The following TMEM132C variants were observed in gnomAD, a reference collection of about 807,000 sequenced individuals.
The protein encoded by TMEM132C is transmembrane protein 132C.
TMEM132C carries 29 observed loss-of-function variants against 61.4 expected under a neutral mutation model. That is an observed-to-expected ratio of 0.47 (90% CI 0.35 to 0.64). The LOEUF is 0.64. Ranked by LOEUF, TMEM132C falls within the 30% of genes least tolerant of loss-of-function variation. The probability of loss-of-function intolerance (pLI) is 0.00; values close to 1 mark genes in which losing one functional copy is unlikely to be tolerated. For missense variants in TMEM132C, 1,408 were observed against 1,476.9 expected (o/e 0.95, Z 0.76); for synonymous variants, 656 against 633.1 (o/e 1.04, Z -0.54).
chr12:128,523,277 G>A (rs1173305672), intron 2 of TMEM132C, among the ~76,000 whole-genome samples: 1 of 152,144 alleles, frequency 6.6e-6, no homozygotes, highest in African/African-American at 2.4e-5. Context: ...GAATGGACTG[G>A]TAGTGTTTAA....
intron 3 of TMEM132C, among the ~76,000 whole-genome samples, chr12:128,610,927 C>G (rs1366666254): frequency 6.6e-6 from 1 of 152,104 alleles, no homozygotes; most frequent in Non-Finnish European, 1.5e-5. Context: ...GCTCCTGAAC[C>G]AGGCTTCAAA....
At chr12:128,701,242 A>G (rs887384937) in intron 8 of TMEM132C, among the ~76,000 whole-genome samples, 1 of 115,264 alleles carries the variant, frequency 8.7e-6, no homozygotes, top group African/African-American at 3.8e-5. Flanking sequence ...GGCAAAAAAT[A>G]AGTTAAAAAA....
At chr12:128,677,963 G>T (rs866977398) in intron 5 of TMEM132C, among the ~76,000 whole-genome samples, 13 of 152,330 alleles carry the variant, frequency 8.5e-5, no homozygotes, top group South Asian at 6.2e-4. Context: ...CCTGATAGTT[G>T]CCCTGAGCTT....
At chr12:128,692,304 A>G (rs971576379) in intron 5 of TMEM132C, among the ~76,000 whole-genome samples, 6 of 152,224 alleles carry the variant, frequency 3.9e-5, no homozygotes, top group Non-Finnish European at 5.9e-5. Flanking sequence ...TCATCCATGC[A>G]ATGTCCATTT....
chr12:128,561,567 A>T (rs1874520066), intron 3 of TMEM132C, among the ~76,000 whole-genome samples: 1 of 152,368 alleles, frequency 6.6e-6, no homozygotes, highest in African/African-American at 2.4e-5. Flanking sequence ...AGCAGTGGGC[A>T]TATTAGGGTT....
chr12:128,428,432 C>CT (rs1869270470), intron 2 of TMEM132C, among the ~76,000 whole-genome samples: 1 of 152,094 alleles, frequency 6.6e-6, no homozygotes, highest in East Asian at 1.9e-4. Flanking sequence ...AAGTAGGCCT[C>CT]TTTTTTATAA....
chr12:128,486,470 G>A (rs976405706), intron 2 of TMEM132C, among the ~76,000 whole-genome samples: 1 of 152,110 alleles, frequency 6.6e-6, no homozygotes, highest in Non-Finnish European at 1.5e-5. Flanking sequence ...AAGAGGCAAA[G>A]GACCATCCCA....
intron 1 of TMEM132C, among the ~76,000 whole-genome samples, chr12:128,391,757 A>G (rs1874770302): frequency 6.6e-6 from 1 of 152,232 alleles, no homozygotes; most frequent in Non-Finnish European, 1.5e-5. Context: ...TGGCAGAAAC[A>G]GGATTCACAA....
chr12:128,475,089 T>G (rs1871112226), intron 2 of TMEM132C, among the ~76,000 whole-genome samples: 3 of 152,112 alleles, frequency 2.0e-5, no homozygotes, highest in Admixed American at 2.0e-4. Flanking sequence ...AGAAGGGCTG[T>G]GGGTGGGGGC....
At chr12:128,410,844 T>C (rs1387314288) in intron 1 of TMEM132C, among the ~76,000 whole-genome samples, 1 of 152,226 alleles carries the variant, frequency 6.6e-6, no homozygotes, top group Non-Finnish European at 1.5e-5. Context: ...CTCAAAAATA[T>C]TCTTTATAGG....
At position 128,488,179 on chromosome 12, in the gene TMEM132C, C is replaced by T. The variant is rs868713912; in HGVS notation, c.975-55778C>T. 2.0e-5 allele frequency among the ~76,000 whole-genome samples: 3 copies of T among 152,206 alleles called. No individual in the cohort carries two copies. The South Asian group carries it at 6.2e-4, about 32-fold the overall frequency. Reference sequence around the variant, plus strand: ...TCAGATTTAAACTACTGGCTCCAGCCTACCACTGCATGGCATGTGGCTAGT... The same window carrying T: ...TCAGATTTAAACTACTGGCTCCAGCTTACCACTGCATGGCATGTGGCTAGT... On this transcript the variant is annotated intron_variant, in intron 2 of 8. Coordinates refer to ENST00000435159, the MANE Select transcript of TMEM132C (RefSeq NM_001136103.3).
intron 2 of TMEM132C, among the ~76,000 whole-genome samples, chr12:128,441,704 A>G (rs1869792513): frequency 6.6e-6 from 1 of 152,174 alleles, no homozygotes; most frequent in African/African-American, 2.4e-5. Context: ...TGAACAGCCT[A>G]TGTTCCTGCT....
At chr12:128,355,589 C>A (rs1873477355) in intron 1 of TMEM132C, among the ~76,000 whole-genome samples, 1 of 151,926 alleles carries the variant, frequency 6.6e-6, no homozygotes, top group Admixed American at 6.6e-5. Context: ...CCATCTTATT[C>A]AGATTAAAAG....
intron 8 of TMEM132C, 37 bp downstream of exon 8, chr12:128,697,452 G>A: frequency 1.3e-6 from 2 of 1,497,414 alleles, no homozygotes; most frequent in Non-Finnish European, 1.8e-6. Flanking sequence ...GAGGGAGCAG[G>A]GTCAGCCACT....
intron 3 of TMEM132C, among the ~76,000 whole-genome samples, chr12:128,567,623 C>G (rs912510276): frequency 1.3e-5 from 2 of 152,282 alleles, no homozygotes; most frequent in South Asian, 4.1e-4. Context: ...AAGAATATGT[C>G]ACTAGAAAGT....
At chr12:128,507,679 TTA>T (rs1172516038) in intron 2 of TMEM132C, among the ~76,000 whole-genome samples, 2 of 152,136 alleles carry the variant, frequency 1.3e-5, no homozygotes, top group African/African-American at 2.4e-5. Flanking sequence ...TTTAAACGTT[TTA>T]TATGTTTCGA....
intron 1 of TMEM132C, among the ~76,000 whole-genome samples, chr12:128,362,307 C>G (rs902581284): frequency 2.0e-5 from 3 of 152,128 alleles, no homozygotes; most frequent in African/African-American, 7.2e-5. Flanking sequence ...TGCCTCATCA[C>G]CCATGAGTTC....
At chr12:128,548,966 A>C (rs898888888) in intron 3 of TMEM132C, among the ~76,000 whole-genome samples, 6 of 152,218 alleles carry the variant, frequency 3.9e-5, no homozygotes, top group African/African-American at 1.4e-4. Flanking sequence ...TTAAGCATCC[A>C]TGGATGTTGT....
At chr12:128,576,536 G>C (rs933873779) in intron 3 of TMEM132C, among the ~76,000 whole-genome samples, 1 of 152,202 alleles carries the variant, frequency 6.6e-6, no homozygotes, top group Non-Finnish European at 1.5e-5. Flanking sequence ...CAGTAACTAG[G>C]ATAGAGTGAC....
Sources: gnomAD v4.1 joint callset for allele counts (sites outside exome capture counted in the v4.1 genomes callset) on GRCh38, gnomAD v4.1.1 for gene constraint, MANE v1.5 for transcripts, NCBI Gene and HGNC (gene_info 2026-07-23, HGNC 2026-07-21) for gene names.